SYNJ1: variants seen among roughly 807,000 people sequenced by gnomAD.
SYNJ1 encodes the protein synaptojanin 1, also known as polyphosphatidylinositol phosphatase SYNJ1.
Under a neutral mutation model 168.2 loss-of-function variants are expected in SYNJ1, and 78 were observed. The observed-to-expected ratio is 0.46, with a 90% CI of 0.39 to 0.56. SYNJ1 has a LOEUF of 0.56. Ranked by LOEUF, SYNJ1 falls within the 20% of genes least tolerant of loss-of-function variation. The pLI is 0.00. For missense variants in SYNJ1, 1,303 were observed against 1,597.6 expected (o/e 0.82, Z 3.14); for synonymous variants, 539 against 548.6 (o/e 0.98, Z 0.24).
In SYNJ1 at chr21:32,656,697, T is replaced by C. The variant is rs1407971749; in HGVS notation, c.2785A>G (p.Ile929Val). Residue 929 changes from isoleucine to valine, a missense_variant, in exon 21 of 33, where the codon ATA becomes GTA. This residue lies in a region of SYNJ1 where 920 missense variants were observed against 1,208.8 expected (regional missense o/e 0.76). Transcript: ENST00000674351. ...LQQFASFGEV[I>V]LIRFVEDKMW... is the part of the protein sequence containing the mutation. The stretch of plus-strand genomic sequence containing the variant: ...TAATAAACATCTTACCTTATAAGTA[T>C]AACTTCACCAAAACTTGCAAACTGC... The C allele has an allele frequency of 6.2e-6, 10 of 1,612,980 alleles. No homozygotes were observed. The highest frequency in any genetic ancestry group is 8.5e-6 in the Non-Finnish European group (10 of 1,179,472).
At chr21:32,657,913 A>G in intron 18 of SYNJ1, 41 bp from the exon 19 acceptor site, 2 of 1,529,094 alleles carry the variant, frequency 1.3e-6, no homozygotes, top group African/African-American at 1.4e-5. Context: ...CCCAAACAGC[A>G]ACAAGTTCTG....
At chr21:32,659,203 C>T (rs1266358088) in intron 18 of SYNJ1, among the ~76,000 whole-genome samples, 2 of 150,428 alleles carry the variant, frequency 1.3e-5, no homozygotes, top group Non-Finnish European at 3.0e-5. Context: ...TCAATAACCA[C>T]AGGACTTAAC....
rs1026402195 is a variant in SYNJ1 at position 32,678,960 on chromosome 21, G to T, written c.1354-159C>A. ...AATATATAGTCATGACAATTAAAATGCCTCCAACATGTCACTGTTTCCTTT... is the reference window on the plus strand; with the variant it reads ...AATATATAGTCATGACAATTAAAATTCCTCCAACATGTCACTGTTTCCTTT... On this transcript the variant is annotated intron_variant, in intron 11 of 32. Transcript: ENST00000674351. The T allele has an allele frequency of 4.2e-6, 4 of 957,520 alleles. No homozygotes were observed. The South Asian group carries it at 6.0e-5, about 14-fold the overall frequency. The allele number at this position is 957,520 out of a possible 1,614,324, so 59.3% of individuals were successfully genotyped here.
intron 22 of SYNJ1, among the ~76,000 whole-genome samples, chr21:32,650,788 T>C (rs1055835285): frequency 6.6e-6 from 1 of 152,248 alleles, no homozygotes; most frequent in African/African-American, 2.4e-5. Flanking sequence ...CTTTCCTAAC[T>C]TGGCATATGG....
chr21:32,678,883 A>C (rs1160656058), intron 11 of SYNJ1, 82 bp from the exon 12 acceptor site: 2 of 1,543,102 alleles, frequency 1.3e-6, no homozygotes, highest in East Asian at 4.7e-5. Flanking sequence ...TGAAATTTTA[A>C]ATCAGTTTTA....
At position 32,631,076 on chromosome 21, in the gene SYNJ1, C is replaced by T. The variant is rs771278245; in HGVS notation, c.*729G>A. 1.4e-5 allele frequency: 22 copies of T among 1,613,960 alleles called. No individual in the cohort carries two copies. Among genetic ancestry groups the T allele is most frequent in the Admixed American group, 1.2e-4 (7 of 59,994 alleles). ...GATCTACTGGAGGGCTGGTGCCGGG[C>T]GGGAGCAGAGGGACAGGAGGTGGAG... On this transcript the variant is annotated 3_prime_UTR_variant, in exon 33 of 33. Transcript: ENST00000674351.
rs545290386 is a variant in SYNJ1 at position 32,685,441 on chromosome 21, A to T, written c.1118+307T>A. 8.3e-4 allele frequency among the ~76,000 whole-genome samples: 124 copies of T among 148,908 alleles called. 3 individuals carry two copies. The East Asian group carries it at 0.019, about 23-fold the overall frequency. On this transcript the variant is annotated intron_variant, in intron 9 of 32. Transcript: ENST00000674351. ...CGTCTCTACCAAAAAAAAAAAAAAA[A>T]AAAAAAAATAAGCCAGGCATGGTGG... is the stretch of plus-strand genomic sequence containing the variant.
intron 11 of SYNJ1, among the ~76,000 whole-genome samples, chr21:32,679,163 G>C: frequency 6.6e-6 from 1 of 152,068 alleles, no homozygotes; most frequent in East Asian, 1.9e-4. Context: ...GTAAACTTGG[G>C]GATAAAATGG....
intron 11 of SYNJ1, among the ~76,000 whole-genome samples, chr21:32,680,741 G>A (rs1175285826): frequency 2.0e-5 from 3 of 151,912 alleles, no homozygotes; most frequent in African/African-American, 4.8e-5. Context: ...TCAAACTCCC[G>A]AGTAGCTGGG....
chr21:32,686,206 C>T (rs933605540), intron 8 of SYNJ1, among the ~76,000 whole-genome samples: 1 of 152,078 alleles, frequency 6.6e-6, no homozygotes, highest in Non-Finnish European at 1.5e-5. Flanking sequence ...CAAAGCCTAT[C>T]AAAGACTGAA....
intron 3 of SYNJ1, among the ~76,000 whole-genome samples, chr21:32,700,663 A>T (rs1401501222): frequency 3.3e-5 from 5 of 152,208 alleles, no homozygotes; most frequent in African/African-American, 1.2e-4. Context: ...TCTCAAAAAA[A>T]ACCACACGAA....
At chr21:32,699,697 T>C in intron 4 of SYNJ1, 141 bp downstream of exon 4, 2 of 972,216 alleles carry the variant, frequency 2.1e-6, no homozygotes, top group Non-Finnish European at 3.0e-6. Context: ...TCTCTGTAGC[T>C]ACTTGCTGCT....
At position 32,717,879 on chromosome 21, in the gene SYNJ1, T is replaced by C. The variant is rs1168644901; in HGVS notation, c.124+8893A>G. ...CCATATTCCCTACTCAGGAATCCTG[T>C]CAAGCTTTGCTTGAGTGACTCTTCT... On this transcript the variant is annotated intron_variant, in intron 2 of 32. Coordinates refer to ENST00000674351, the MANE Select transcript of SYNJ1 (RefSeq NM_203446.3). 1.7e-4 allele frequency among the ~76,000 whole-genome samples: 26 copies of C among 152,208 alleles called. 1 individual carries two copies. The highest frequency in any genetic ancestry group is 1.7e-3 in the Admixed American group (26 of 15,282).
intron 17 of SYNJ1, among the ~76,000 whole-genome samples, 188 bp from the exon 18 acceptor site, chr21:32,665,259 A>G (rs1204130575): frequency 6.6e-6 from 1 of 152,242 alleles, no homozygotes; most frequent in African/African-American, 2.4e-5. Flanking sequence ...AGAAAAATCA[A>G]GCCAGGAACT....
At chr21:32,721,261 A>G (rs2043210049) in intron 2 of SYNJ1, among the ~76,000 whole-genome samples, 1 of 152,264 alleles carries the variant, frequency 6.6e-6, no homozygotes, top group African/African-American at 2.4e-5. Flanking sequence ...AGTAATGCTA[A>G]AAATGGGTAC....
At chr21:32,674,680 C>A (rs1166522385) in intron 13 of SYNJ1, among the ~76,000 whole-genome samples, 1 of 149,990 alleles carries the variant, frequency 6.7e-6, no homozygotes, top group Admixed American at 6.6e-5. Flanking sequence ...CACATTCTAT[C>A]CTGGTTAAAT....
intron 6 of SYNJ1, among the ~76,000 whole-genome samples, chr21:32,692,865 C>A (rs1482846874): frequency 1.3e-5 from 2 of 151,972 alleles, no homozygotes; most frequent in Non-Finnish European, 2.9e-5. Flanking sequence ...TCCTGGGCAA[C>A]AAGGTGGGAC....
chr21:32,691,091 C>T (rs746590482), intron 6 of SYNJ1, among the ~76,000 whole-genome samples: 4 of 152,090 alleles, frequency 2.6e-5, no homozygotes, highest in East Asian at 3.9e-4. Context: ...CTGATTGATA[C>T]GGTTTGGATC....
chr21:32,723,861 T>C (rs2043343347), intron 2 of SYNJ1, among the ~76,000 whole-genome samples: 1 of 151,956 alleles, frequency 6.6e-6, no homozygotes, highest in Non-Finnish European at 1.5e-5. Flanking sequence ...GTATGCACCT[T>C]GTGATACAGA....
Sources: gnomAD v4.1 joint callset for allele counts (sites outside exome capture counted in the v4.1 genomes callset) on GRCh38, gnomAD v4.1.1 for gene constraint, gnomAD v4.1.1 regional missense constraint, MANE v1.5 for transcripts, NCBI Gene and HGNC (gene_info 2026-07-23, HGNC 2026-07-21) for gene names.